Variants in RAB33B observed in about 807,000 individuals in gnomAD.
RAB33B encodes the protein ras-related protein Rab-33B.
Under a neutral mutation model 15.0 loss-of-function variants are expected in RAB33B, and 6 were observed. The observed-to-expected ratio is 0.40, with a 90% confidence interval of 0.22 to 0.79. The LOEUF (loss-of-function observed/expected upper bound fraction) is 0.79. RAB33B is among the 30% of genes least tolerant of loss of function. RAB33B has a pLI of 0.37. For synonymous variants in RAB33B, 117 were observed against 108.3 expected (o/e 1.08, Z -0.50); for missense variants, 257 against 296.4 (o/e 0.87, Z 0.98).
the RAB33B span, among the ~76,000 whole-genome samples, chr4:139,440,413 ACT>A: frequency 6.6e-6 from 1 of 152,048 alleles, no homozygotes. Context: ...ATGGCTAATG[ACT>A]CTCTGCACCT....
rs372330119 is a variant in RAB33B at position 139,464,386 on chromosome 4, G to GTTTTTTTTTTT, written c.250-8284_250-8274dup. ...CGGGATTGATGGGAAGAGGAATACT[G>GTTTTTTTTTTT]TTTTTTTTTTTTTTTTTTTTTTTTT... On this transcript the variant is annotated intron_variant, in intron 1 of 1. Transcript: ENST00000305626. 1.7e-4 allele frequency among the ~76,000 whole-genome samples: 17 copies of GTTTTTTTTTTT among 101,758 alleles called. 2 individuals are homozygous for GTTTTTTTTTTT. The highest frequency in any genetic ancestry group is 3.8e-4 in the Admixed American group (3 of 7,984). The allele number at this position is 101,758 out of a possible 152,430, so 66.8% of individuals were successfully genotyped here.
At chr4:139,458,765 G>T (rs903640379) in intron 1 of RAB33B, among the ~76,000 whole-genome samples, 1 of 152,132 alleles carries the variant, frequency 6.6e-6, no homozygotes, top group Non-Finnish European at 1.5e-5. Flanking sequence ...GTTCCTTTGA[G>T]TGTATACCCA....
rs1205173857 is a variant in RAB33B at position 139,476,600 on chromosome 4, G to T, written c.*3474G>T. The T allele has an allele frequency of 6.6e-6, 1 of 152,156 alleles. No individual in the cohort carries two copies. Among genetic ancestry groups the T allele is most frequent in the Non-Finnish European group, 1.5e-5 (1 of 68,034 alleles). The allele number at this position is 152,156 out of a possible 1,614,324, so 9.4% of individuals were successfully genotyped here. A position where few individuals can be genotyped will look rare whatever the true frequency, so the allele number is the denominator to read the frequency against. ...CATGTGTTCTCTATTTGTGTTAGTG[G>T]AGCTACATAGACACTGTCCTTGAAG... On this transcript the variant is annotated 3_prime_UTR_variant, in exon 2 of 2. Coordinates refer to ENST00000305626, the MANE Select transcript of RAB33B (RefSeq NM_031296.3).
At chr4:139,454,003 G>A (rs886059075), upstream of RAB33B, 1 of 513,832 alleles carries the variant, frequency 1.9e-6, no homozygotes, top group East Asian at 3.8e-5. Flanking sequence ...GCGGCGGGGC[G>A]GGCGGGTGCC....
At chr4:139,451,616 T>C (rs2111062932), upstream of RAB33B, 1 of 152,326 alleles carries the variant, frequency 6.6e-6, no homozygotes, top group East Asian at 1.9e-4. Flanking sequence ...CCTCCAGCAG[T>C]GCTCCTGTCT....
At chr4:139,447,658 CTTTTTTTTTT>C in the RAB33B span, among the ~76,000 whole-genome samples, 1 of 85,698 alleles carries the variant, frequency 1.2e-5, no homozygotes, top group African/African-American at 4.7e-5. Context: ...CAGTCTACTA[CTTTTTTTTTT>C]TTTTTTTTTT....
chr4:139,460,530 CA>C (rs372464933), intron 1 of RAB33B, among the ~76,000 whole-genome samples: 9 of 152,028 alleles, frequency 5.9e-5, no homozygotes, highest in Admixed American at 3.9e-4. Flanking sequence ...GTTTATAAGT[CA>C]AAAAATATTT....
At chr4:139,459,249 A>G (rs1257082803) in intron 1 of RAB33B, among the ~76,000 whole-genome samples, 1 of 152,104 alleles carries the variant, frequency 6.6e-6, no homozygotes, top group African/African-American at 2.4e-5. Flanking sequence ...AGCCTGGGCA[A>G]CATAGTGAAG....
rs755156711 is a variant in RAB33B at position 139,472,677 on chromosome 4, C to T, written c.250-9C>T. The T allele has an allele frequency of 3.8e-6, 6 of 1,562,976 alleles. No homozygotes were observed. Among genetic ancestry groups the T allele is most frequent in the Non-Finnish European group, 5.2e-6 (6 of 1,152,158 alleles). ...TTTTCAGTTTTCCTCTTTTTCTTCC[C>T]ATTTTTAGATCCAGCTATGGGACAC... On this transcript the variant is annotated splice_polypyrimidine_tract_variant and intron_variant, in intron 1 of 1. Coordinates refer to ENST00000305626, the MANE Select transcript of RAB33B (RefSeq NM_031296.3).
upstream of RAB33B, chr4:139,452,563 A>G (rs1007544596): frequency 6.6e-6 from 1 of 152,244 alleles, no homozygotes; most frequent in African/African-American, 2.4e-5. Flanking sequence ...TAGTTTCTGG[A>G]TGATTAACCT....
intron 1 of RAB33B, among the ~76,000 whole-genome samples, chr4:139,461,184 C>G (rs2111075064): frequency 6.6e-6 from 1 of 152,292 alleles, no homozygotes; most frequent in East Asian, 1.9e-4. Flanking sequence ...ATGGTAGTGA[C>G]AGGGAGTGTG....
chr4:139,448,613 T>C (rs1191091583), upstream of RAB33B: 1 of 152,160 alleles, frequency 6.6e-6, no homozygotes, highest in Admixed American at 6.6e-5. Context: ...TTCTGTATTT[T>C]TAGTATGTTG....
chr4:139,442,292 A>C, the RAB33B span, among the ~76,000 whole-genome samples: 16 of 152,166 alleles, frequency 1.1e-4, no homozygotes, highest in African/African-American at 3.9e-4. Context: ...TTGTATTACT[A>C]CTTAGGTTCT....
chr4:139,445,591 C>T, the RAB33B span, among the ~76,000 whole-genome samples: 10 of 152,190 alleles, frequency 6.6e-5, no homozygotes, highest in African/African-American at 2.4e-4. Flanking sequence ...GAAAGAGGAA[C>T]AACGCCTAGT....
At chr4:139,472,629 T>G in intron 1 of RAB33B, 57 bp from the exon 2 acceptor site, 37 of 1,208,856 alleles carry the variant, frequency 3.1e-5, no homozygotes, top group Non-Finnish European at 4.1e-5. Context: ...TTACATTTCT[T>G]GATATGTATA....
chr4:139,468,373 A>G (rs528084276), intron 1 of RAB33B, among the ~76,000 whole-genome samples: 5 of 152,344 alleles, frequency 3.3e-5, no homozygotes, highest in African/African-American at 1.2e-4. Context: ...GACACAGCCA[A>G]ACCATATCAC....
chr4:139,467,308 CT>C (rs70943422), intron 1 of RAB33B, among the ~76,000 whole-genome samples: 436 of 17,548 alleles, frequency 0.025, 2 homozygotes, highest in Middle Eastern at 0.12. Flanking sequence ...CCCCCCGCCG[CT>C]TTTTTTTTTT....
rs1418887462 is a variant in RAB33B, at chr4:139,473,140, T to G, written c.*14T>G. 6.4e-7 allele frequency: 1 copy of G among 1,557,074 alleles called. No homozygotes were observed. Among genetic ancestry groups the G allele is most frequent in the Non-Finnish European group, 8.7e-7 (1 of 1,154,098 alleles). ...TGCTGGTGCTAAATAACAGTCTTTA[T>G]TATATTATCTAATTTTGACTAAAGA... On this transcript the variant is annotated 3_prime_UTR_variant, in exon 2 of 2. Transcript: ENST00000305626.
the RAB33B span, among the ~76,000 whole-genome samples, chr4:139,447,394 C>T: frequency 6.6e-6 from 1 of 152,186 alleles, no homozygotes; most frequent in African/African-American, 2.4e-5. Flanking sequence ...AGTGGCACCA[C>T]TCATCATCAC....
Sources: gnomAD v4.1 joint callset for allele counts (sites outside exome capture counted in the v4.1 genomes callset) on GRCh38, gnomAD v4.1.1 for gene constraint, MANE v1.5 for transcripts, NCBI Gene and HGNC (gene_info 2026-07-23, HGNC 2026-07-21) for gene names.